The following FYN variants were observed in gnomAD, a reference collection of about 807,000 sequenced individuals.
FYN encodes the protein FYN proto-oncogene, Src family tyrosine kinase, also known as tyrosine-protein kinase Fyn.
Under a neutral mutation model 70.2 loss-of-function variants are expected in FYN, and 10 were observed. The ratio of observed to expected loss-of-function variants is 0.14; its 90% CI spans 0.09 to 0.24. The LOEUF is 0.24. FYN is among the 10% of genes least tolerant of loss of function. FYN has a pLI of 1.00. For synonymous variants in FYN, 236 were observed against 248.6 expected (o/e 0.95, Z 0.48); for missense variants, 319 against 673.1 (o/e 0.47, Z 5.82).
chr6:111,872,292 G>A (rs1774298318), intron 1 of FYN, among the ~76,000 whole-genome samples: 1 of 151,368 alleles, frequency 6.6e-6, no homozygotes, highest in African/African-American at 2.4e-5. Flanking sequence ...GAAGTAGAGA[G>A]GAAATCCAGC....
At chr6:111,777,150 T>C (rs1770980203) in intron 3 of FYN, among the ~76,000 whole-genome samples, 1 of 152,070 alleles carries the variant, frequency 6.6e-6, no homozygotes, top group Admixed American at 6.5e-5. Context: ...GTTGTGTGAG[T>C]CTTGTTTTTA....
intron 12 of FYN, among the ~76,000 whole-genome samples, chr6:111,683,075 C>A (rs1798843398): frequency 6.6e-6 from 1 of 152,236 alleles, no homozygotes; most frequent in South Asian, 2.1e-4. Flanking sequence ...TCCATGATGT[C>A]CCCAGCACCC....
intron 6 of FYN, 94 bp from the exon 7 acceptor site, chr6:111,704,196 C>A: frequency 1.1e-6 from 1 of 937,018 alleles, no homozygotes; most frequent in East Asian, 2.5e-5. Flanking sequence ...ATTCCCCTCT[C>A]CTCCAATTTA....
chr6:111,708,085 G>C lies in FYN; in HGVS notation c.345-65C>G, dbSNP rs1332643343. On this transcript the variant is annotated intron_variant, in intron 5 of 13. Coordinates refer to ENST00000354650, the MANE Select transcript of FYN (RefSeq NM_002037.5). ...AACAGCTTGCAGTTAGAGACTCACT[G>C]TGGTCTGAAGTGTATAACTGTCACC... The C allele has an allele frequency of 3.4e-6, 4 of 1,172,296 alleles. No individual in the cohort carries two copies. The African/African-American group carries it at 6.0e-5, about 18-fold the overall frequency. 72.6% of individuals were successfully genotyped at this position (1,172,296 alleles called of 1,614,324 possible). A position where few individuals can be genotyped will look rare whatever the true frequency, so the allele number is the denominator to read the frequency against.
At chr6:111,714,584 G>A (rs947117814) in intron 4 of FYN, 141 bp from the exon 5 acceptor site, 8 of 665,540 alleles carry the variant, frequency 1.2e-5, no homozygotes, top group Admixed American at 4.8e-5. Flanking sequence ...TGTAATTAAC[G>A]TGTCAAAACC....
intron 2 of FYN, among the ~76,000 whole-genome samples, chr6:111,831,186 AAAGT>A (rs1773006383): frequency 6.6e-6 from 1 of 152,142 alleles, no homozygotes. Flanking sequence ...CACTTGATGG[AAAGT>A]TTCTCTCCTA....
At chr6:111,733,610 T>C (rs981785827) in intron 3 of FYN, among the ~76,000 whole-genome samples, 1 of 150,356 alleles carries the variant, frequency 6.7e-6, no homozygotes, top group African/African-American at 2.5e-5. Flanking sequence ...AGTTTCCTCA[T>C]CAGTGCATTA....
intron 13 of FYN, among the ~76,000 whole-genome samples, chr6:111,673,341 A>G (rs904232722): frequency 6.0e-4 from 91 of 152,236 alleles, no homozygotes; most frequent in African/African-American, 2.1e-3. Flanking sequence ...CTAAACGCCC[A>G]GTGCCGGCAC....
chr6:111,856,530 TTTTAAA>T (rs2114506727), intron 1 of FYN, among the ~76,000 whole-genome samples: 1 of 152,292 alleles, frequency 6.6e-6, no homozygotes, highest in South Asian at 2.1e-4. Context: ...ATATAAGATT[TTTTAAA>T]TTTAATCTAT....
intron 3 of FYN, among the ~76,000 whole-genome samples, chr6:111,721,990 G>T (rs1800971393): frequency 6.6e-6 from 1 of 152,120 alleles, no homozygotes; most frequent in Non-Finnish European, 1.5e-5. Context: ...GATGGGAAGG[G>T]CTTGAGGCAG....
At chr6:111,665,414 T>G (rs1393602513) in intron 13 of FYN, among the ~76,000 whole-genome samples, 4 of 152,198 alleles carry the variant, frequency 2.6e-5, no homozygotes, top group Non-Finnish European at 1.5e-5. Flanking sequence ...ATTTTTTTCT[T>G]CTTAGATGGT....
chr6:111,742,375 T>C (rs1031323632), intron 3 of FYN, among the ~76,000 whole-genome samples: 6 of 152,202 alleles, frequency 3.9e-5, no homozygotes, highest in Non-Finnish European at 8.8e-5. Flanking sequence ...CTTAAGAAAT[T>C]GTAATACATC....
intron 2 of FYN, among the ~76,000 whole-genome samples, chr6:111,836,447 CCAACAACAA>C (rs60069708): frequency 5.3e-5 from 8 of 151,716 alleles, no homozygotes; most frequent in Admixed American, 6.6e-5. Flanking sequence ...AATTATATTT[CCAACAACAA>C]CAACAACAAC....
chr6:111,684,495 C>G (rs7451030), intron 12 of FYN, among the ~76,000 whole-genome samples: 1 of 152,104 alleles, frequency 6.6e-6, no homozygotes, highest in Admixed American at 6.6e-5. Flanking sequence ...AGGCTGGACT[C>G]TAGGTATTAA....
In FYN at chr6:111,700,334, T is replaced by G. The variant is rs188065116; in HGVS notation, c.698-66A>C. On this transcript the variant is annotated intron_variant, in intron 8 of 13. Coordinates refer to ENST00000354650, the MANE Select transcript of FYN (RefSeq NM_002037.5). ...AGAACACATGTAATGACAACACTCA[T>G]AAGTGTAAACCCACACTAGCGGCGC... 2.6e-4 allele frequency: 403 copies of G among 1,554,538 alleles called. 2 individuals carry two copies. The highest frequency in any genetic ancestry group is 4.4e-6 in the Non-Finnish European group (5 of 1,136,718).
chr6:111,758,178 A>T (rs1305701285), intron 3 of FYN, among the ~76,000 whole-genome samples: 1 of 152,244 alleles, frequency 6.6e-6, no homozygotes, highest in Non-Finnish European at 1.5e-5. Flanking sequence ...ACATACCTAT[A>T]ATGGAATAGT....
intron 13 of FYN, among the ~76,000 whole-genome samples, chr6:111,669,489 C>T (rs186505591): frequency 6.7e-6 from 1 of 149,750 alleles, no homozygotes; most frequent in African/African-American, 2.4e-5. Flanking sequence ...CCAGGTCCTG[C>T]CAAATCCACA....
chr6:111,772,732 C>T (rs1803497805), intron 3 of FYN, among the ~76,000 whole-genome samples: 1 of 151,186 alleles, frequency 6.6e-6, no homozygotes, highest in Non-Finnish European at 1.5e-5. Flanking sequence ...GTGTAAGGCA[C>T]TGTATAGCAC....
chr6:111,863,064 C>T (rs1174961249), intron 1 of FYN, among the ~76,000 whole-genome samples: 3 of 152,246 alleles, frequency 2.0e-5, no homozygotes, highest in Non-Finnish European at 4.4e-5. Flanking sequence ...GGAACCTGGT[C>T]ATTCTGCCTC....
Sources: allele counts gnomAD v4.1 joint callset (sites outside exome capture counted in the v4.1 genomes callset), GRCh38; gene constraint gnomAD v4.1.1; transcripts MANE v1.5; gene names NCBI Gene and HGNC (gene_info 2026-07-23, HGNC 2026-07-21).